TOM1L2: variants seen among roughly 807,000 people sequenced by gnomAD.
TOM1L2 encodes the protein target of myb1 like 2 membrane trafficking protein.
A neutral mutation model predicts 67.9 loss-of-function variants in TOM1L2; 31 were observed. The observed-to-expected ratio is 0.46, with a 90% confidence interval of 0.34 to 0.62. The LOEUF is 0.62. TOM1L2 is among the 20% of genes least tolerant of loss of function. TOM1L2 has a pLI of 0.01. For missense variants in TOM1L2, 606 were observed against 663.5 expected (o/e 0.91, Z 0.95); for synonymous variants, 256 against 254.0 (o/e 1.01, Z -0.07).
intron 4 of TOM1L2, among the ~76,000 whole-genome samples, chr17:17,888,234 G>C (rs1368589312): frequency 1.3e-5 from 2 of 152,194 alleles, no homozygotes; most frequent in Non-Finnish European, 2.9e-5. Flanking sequence ...GTGGCTACAA[G>C]ATTAGGGGCT....
chr17:17,926,299 A>G (rs567840230), intron 1 of TOM1L2, among the ~76,000 whole-genome samples: 1 of 152,178 alleles, frequency 6.6e-6, no homozygotes, highest in East Asian at 1.9e-4. Flanking sequence ...ATCTCTCAAA[A>G]GGCATTTTAT....
intron 1 of TOM1L2, among the ~76,000 whole-genome samples, chr17:17,971,852 G>A (rs1240147275): frequency 6.6e-6 from 1 of 152,230 alleles, no homozygotes; most frequent in Non-Finnish European, 1.5e-5. Flanking sequence ...GAGTGGCACT[G>A]GCGCGCCCGT....
At chr17:17,926,836 C>A (rs185946084) in intron 1 of TOM1L2, among the ~76,000 whole-genome samples, 2 of 151,260 alleles carry the variant, frequency 1.3e-5, no homozygotes, top group Non-Finnish European at 2.9e-5. Flanking sequence ...CCTGTCTGGG[C>A]GACAGAGAGG....
intron 4 of TOM1L2, among the ~76,000 whole-genome samples, chr17:17,892,630 C>T (rs748721824): frequency 2.6e-5 from 4 of 151,462 alleles, no homozygotes; most frequent in Non-Finnish European, 5.9e-5. Context: ...CCAAGCCCTG[C>T]CCCCAACATT....
intron 1 of TOM1L2, among the ~76,000 whole-genome samples, chr17:17,911,116 G>A (rs1252220859): frequency 6.6e-6 from 1 of 152,184 alleles, no homozygotes; most frequent in Admixed American, 6.5e-5. Context: ...GAGGGTGGGT[G>A]GGCAGAAAAA....
chr17:17,956,353 T>C (rs1373430530), intron 1 of TOM1L2, among the ~76,000 whole-genome samples: 5 of 152,198 alleles, frequency 3.3e-5, no homozygotes, highest in Non-Finnish European at 7.3e-5. Flanking sequence ...CACAGAGTGC[T>C]GATTGGTGTA....
intron 1 of TOM1L2, among the ~76,000 whole-genome samples, chr17:17,921,274 T>G (rs2039856776): frequency 6.6e-6 from 1 of 152,110 alleles, no homozygotes; most frequent in Non-Finnish European, 1.5e-5. Context: ...AAGGAACCCT[T>G]CAGGCCAGCC....
intron 1 of TOM1L2, among the ~76,000 whole-genome samples, chr17:17,948,916 G>C (rs1346432402): frequency 6.6e-6 from 1 of 152,224 alleles, no homozygotes; most frequent in Admixed American, 6.5e-5. Context: ...GGGGGAAAGA[G>C]TTGGAGTACA....
At chr17:17,869,979 TA>T (rs1192607914) in intron 7 of TOM1L2, 1 of 152,902 alleles carries the variant, frequency 6.5e-6, no homozygotes, top group African/African-American at 2.4e-5. Flanking sequence ...AGCACTTCCA[TA>T]GGACAGGTTC....
intron 1 of TOM1L2, among the ~76,000 whole-genome samples, chr17:17,921,995 G>A (rs1039216256): frequency 3.9e-5 from 6 of 152,116 alleles, no homozygotes; most frequent in Non-Finnish European, 2.9e-5. Context: ...ACATCCCAGA[G>A]ATGTGAATGC....
intron 6 of TOM1L2, 65 bp downstream of exon 6, chr17:17,882,640 G>C (rs1334373045): frequency 6.3e-7 from 1 of 1,588,486 alleles, no homozygotes; most frequent in East Asian, 2.2e-5. Context: ...CTTTGTAAGT[G>C]TCTCCCAGAA....
chr17:17,866,201 C>A (rs1159228947), intron 10 of TOM1L2, 95 bp downstream of exon 10: 1 of 1,424,392 alleles, frequency 7.0e-7, no homozygotes, highest in Non-Finnish European at 9.3e-7. Context: ...CCAAAAGACT[C>A]TCTTTGGGTC....
In TOM1L2 at chr17:17,905,234, C is replaced by T. The variant is rs138936813; in HGVS notation, c.137+2213G>A. 1.5e-3 allele frequency among the ~76,000 whole-genome samples: 222 copies of T among 152,330 alleles called. 1 individual carries two copies. Among genetic ancestry groups the T allele is most frequent in the African/African-American group, 4.7e-3 (194 of 41,578 alleles). On this transcript the variant is annotated intron_variant, in intron 2 of 14. Coordinates refer to ENST00000379504, the MANE Select transcript of TOM1L2 (RefSeq NM_001082968.2). ...CACCAAAGACTCCCACGTTTTCATC[C>T]AGTGCAGGCCACTGCCCCCAACTCA...
chr17:17,955,229 T>C (rs972386738), intron 1 of TOM1L2, among the ~76,000 whole-genome samples: 2 of 151,450 alleles, frequency 1.3e-5, no homozygotes, highest in African/African-American at 4.9e-5. Context: ...TCTTCTATCA[T>C]ACTCAGCAGA....
At chr17:17,852,102 A>G (rs1404097670) in intron 12 of TOM1L2, among the ~76,000 whole-genome samples, 4 of 124,922 alleles carry the variant, frequency 3.2e-5, no homozygotes, top group East Asian at 3.9e-4. Context: ...CCCTATTTCT[A>G]TTACAAAAAT....
chr17:17,889,736 C>A (rs190295829), intron 4 of TOM1L2, among the ~76,000 whole-genome samples: 1 of 152,234 alleles, frequency 6.6e-6, no homozygotes, highest in Non-Finnish European at 1.5e-5. Context: ...AAGCCACAAA[C>A]AGTCAAAAGC....
At chr17:17,884,589 C>T (rs750644729) in intron 5 of TOM1L2, 45 bp downstream of exon 5, 64 of 1,610,848 alleles carry the variant, frequency 4.0e-5, no homozygotes, top group Non-Finnish European at 5.3e-5. Flanking sequence ...TTGGCTCACC[C>T]GTTCTGCAGT....
intron 1 of TOM1L2, among the ~76,000 whole-genome samples, chr17:17,948,819 C>T (rs2041063210): frequency 1.3e-5 from 2 of 152,136 alleles, no homozygotes; most frequent in African/African-American, 4.8e-5. Flanking sequence ...TTCCCCCTAT[C>T]AACCCCACAC....
chr17:17,857,402 G>A (rs942747121), intron 12 of TOM1L2, among the ~76,000 whole-genome samples: 3 of 152,192 alleles, frequency 2.0e-5, no homozygotes, highest in Admixed American at 6.5e-5. Flanking sequence ...CTTTGAGTCT[G>A]TTCCCTTAGA....
Sources: gnomAD v4.1 joint callset for allele counts (sites outside exome capture counted in the v4.1 genomes callset) on GRCh38, gnomAD v4.1.1 for gene constraint, MANE v1.5 for transcripts, NCBI Gene and HGNC (gene_info 2026-07-23, HGNC 2026-07-21) for gene names.